Variants in ESCO1 observed in about 807,000 individuals in gnomAD.
ESCO1 encodes the protein N-acetyltransferase ESCO1.
ESCO1 carries 33 observed loss-of-function variants against 83.5 expected under a neutral mutation model. The observed-to-expected ratio is 0.40, with a 90% confidence interval of 0.30 to 0.53. ESCO1 has a LOEUF of 0.53. Among genes scored for constraint, ESCO1 ranks in the 20% least tolerant of loss-of-function variants. The pLI is 0.63. For synonymous variants in ESCO1, 332 were observed against 324.3 expected, an observed-to-expected ratio of 1.02 and a Z score of -0.25; for missense variants, 855 against 968.0, an observed-to-expected ratio of 0.88 and a Z score of 1.55.
intron 2 of ESCO1, among the ~76,000 whole-genome samples, chr18:21,583,559 G>GC (rs1823643899): frequency 1.3e-5 from 2 of 151,798 alleles, no homozygotes; most frequent in African/African-American, 4.8e-5. Flanking sequence ...CAGGAGAACC[G>GC]CTTGAACCCA....
intron 8 of ESCO1, among the ~76,000 whole-genome samples, chr18:21,542,635 C>A (rs956879898): frequency 6.6e-5 from 10 of 152,184 alleles, no homozygotes; most frequent in Non-Finnish European, 1.5e-4. Context: ...AAGATCAATG[C>A]ACTAATCTAA....
intron 11 of ESCO1, among the ~76,000 whole-genome samples, chr18:21,532,155 T>C (rs1278759405): frequency 6.6e-6 from 1 of 152,158 alleles, no homozygotes; most frequent in Non-Finnish European, 1.5e-5. Flanking sequence ...CCACATTTCT[T>C]TGGTTATATT....
At chr18:21,545,252 T>C (rs773309812) in intron 8 of ESCO1, among the ~76,000 whole-genome samples, 6 of 152,148 alleles carry the variant, frequency 3.9e-5, no homozygotes, top group Non-Finnish European at 7.3e-5. Flanking sequence ...TTTCTTTACA[T>C]GTTATAAGTC....
chr18:21,586,708 T>C (rs1214338025), intron 1 of ESCO1, among the ~76,000 whole-genome samples: 2 of 152,206 alleles, frequency 1.3e-5, no homozygotes, highest in East Asian at 3.8e-4. Context: ...GTTTTACTGC[T>C]TCCTTTCCAA....
chr18:21,558,040 T>C (rs984682867), intron 8 of ESCO1, among the ~76,000 whole-genome samples: 27 of 151,568 alleles, frequency 1.8e-4, no homozygotes, highest in Admixed American at 1.7e-3. Flanking sequence ...GATGCAATCT[T>C]GGCTCACCTT....
At chr18:21,553,424 C>T (rs901029166) in intron 8 of ESCO1, among the ~76,000 whole-genome samples, 30 of 137,678 alleles carry the variant, frequency 2.2e-4, no homozygotes, top group African/African-American at 5.8e-4. Flanking sequence ...AAGATGACAC[C>T]GCAACACTCC....
At chr18:21,534,320 A>T (rs1272007693) in intron 10 of ESCO1, among the ~76,000 whole-genome samples, 1 of 152,204 alleles carries the variant, frequency 6.6e-6, no homozygotes, top group Non-Finnish European at 1.5e-5. Flanking sequence ...AATTGTTGCA[A>T]CCTTTGGCAT....
chr18:21,537,815 T>TG (rs1010916769), intron 9 of ESCO1, among the ~76,000 whole-genome samples: 4 of 152,202 alleles, frequency 2.6e-5, no homozygotes, highest in Admixed American at 2.6e-4. Flanking sequence ...TTTCCAAATG[T>TG]GAATAGCTGG....
At chr18:21,542,837 T>TA (rs1483344450) in intron 8 of ESCO1, among the ~76,000 whole-genome samples, 1 of 152,196 alleles carries the variant, frequency 6.6e-6, no homozygotes, top group Admixed American at 6.5e-5. Flanking sequence ...CAGAGAAACT[T>TA]AGAGGCGATA....
chr18:21,587,863 TTCTAC>T (rs1203015976), intron 1 of ESCO1, among the ~76,000 whole-genome samples: 1 of 150,832 alleles, frequency 6.6e-6, no homozygotes, highest in Non-Finnish European at 1.5e-5. Context: ...AGGCCAGGAG[TTCTAC>T]TCCAGCCTGG....
chr18:21,545,935 A>AC (rs2146180905), intron 8 of ESCO1, among the ~76,000 whole-genome samples: 1 of 152,268 alleles, frequency 6.6e-6, no homozygotes, highest in Non-Finnish European at 1.5e-5. Context: ...CATCTCAAAA[A>AC]CAAAAAAAAC....
chr18:21,546,499 T>C (rs905112077), intron 8 of ESCO1, among the ~76,000 whole-genome samples: 4 of 152,210 alleles, frequency 2.6e-5, no homozygotes, highest in African/African-American at 7.2e-5. Flanking sequence ...ACTCAATAAA[T>C]AACAGTTCCG....
intron 7 of ESCO1, among the ~76,000 whole-genome samples, chr18:21,563,878 G>A (rs1445984675): frequency 6.6e-6 from 1 of 150,850 alleles, no homozygotes; most frequent in Non-Finnish European, 1.5e-5. Context: ...GCACAAATAG[G>A]TTAATGCCCT....
rs1332042527 is a variant in ESCO1 at position 21,587,735 on chromosome 18, A to C, written c.-824-3295T>G. On this transcript the variant is annotated intron_variant, in intron 1 of 11. Transcript: ENST00000269214. ...GAGAATTGCCTGAGCCCAGGTGTTCAAGACCAGTTTGGGCAACACAGCAAG... is the reference window on the plus strand; with the variant it reads ...GAGAATTGCCTGAGCCCAGGTGTTCCAGACCAGTTTGGGCAACACAGCAAG... 2.6e-5 allele frequency among the ~76,000 whole-genome samples: 4 copies of C among 152,086 alleles called. No homozygotes were observed. In the East Asian group the frequency reaches 7.7e-4, roughly 29 times the overall value.
intron 8 of ESCO1, among the ~76,000 whole-genome samples, chr18:21,553,781 C>T (rs1177830738): frequency 2.0e-5 from 3 of 150,418 alleles, no homozygotes; most frequent in African/African-American, 7.3e-5. Flanking sequence ...CGCTTGAACC[C>T]GAGAGGTGGA....
intron 1 of ESCO1, among the ~76,000 whole-genome samples, chr18:21,592,389 C>A (rs1488373558): frequency 8.9e-5 from 11 of 123,148 alleles, no homozygotes; most frequent in African/African-American, 3.4e-4. Flanking sequence ...TGACCCCCCC[C>A]ACCTCCCTCC....
chr18:21,554,537 C>T (rs892038757), intron 8 of ESCO1, among the ~76,000 whole-genome samples: 2 of 152,038 alleles, frequency 1.3e-5, no homozygotes, highest in African/African-American at 2.4e-5. Flanking sequence ...GAGCCCGAGG[C>T]GGGTGGATCA....
intron 11 of ESCO1, among the ~76,000 whole-genome samples, chr18:21,531,725 G>A (rs754497140): frequency 6.6e-6 from 1 of 151,696 alleles, no homozygotes; most frequent in Non-Finnish European, 1.5e-5. Flanking sequence ...AGGCAGAGGC[G>A]AGTGGATCAC....
chr18:21,575,080 A>C lies in ESCO1; in HGVS notation c.-237T>G. 1 of 380,996 alleles carries C rather than the reference A, an allele frequency of 2.6e-6. No individual in the cohort carries two copies. The highest frequency in any genetic ancestry group is 1.2e-4 in the South Asian group (1 of 8,076). The allele number at this position is 380,996 out of a possible 1,614,324, so 23.6% of individuals were successfully genotyped here. ...CTAAAAGACACTTGCTTTACTTTGG[A>C]CAAGGTAATAAAAATTTGAGGAAAA... is the stretch of plus-strand genomic sequence containing the variant. On this transcript the variant is annotated 5_prime_UTR_variant, in exon 4 of 12. Coordinates refer to ENST00000269214, the MANE Select transcript of ESCO1 (RefSeq NM_052911.3).
Sources: allele counts gnomAD v4.1 joint callset (sites outside exome capture counted in the v4.1 genomes callset), GRCh38; gene constraint gnomAD v4.1.1; transcripts MANE v1.5; gene names NCBI Gene and HGNC (gene_info 2026-07-23, HGNC 2026-07-21).